Variants in RBL2 observed in about 807,000 individuals in gnomAD.
The protein encoded by RBL2 is retinoblastoma-like protein 2.
Under a neutral mutation model 126.0 loss-of-function variants are expected in RBL2, and 56 were observed. The ratio of observed to expected loss-of-function variants is 0.44; its 90% CI spans 0.36 to 0.56. The LOEUF (loss-of-function observed/expected upper bound fraction) is 0.56. Among genes scored for constraint, RBL2 ranks in the 20% least tolerant of loss-of-function variants. The pLI, the probability that RBL2 is intolerant of heterozygous loss-of-function variation, is 0.00. For missense variants in RBL2, 1,229 were observed against 1,398.2 expected, an observed-to-expected ratio of 0.88 and a Z score of 1.93; for synonymous variants, 454 against 478.5, an observed-to-expected ratio of 0.95 and a Z score of 0.67.
chr16:53,460,662 T>A (rs2058210969), intron 9 of RBL2, among the ~76,000 whole-genome samples: 2 of 152,198 alleles, frequency 1.3e-5, no homozygotes, highest in Admixed American at 1.3e-4. Flanking sequence ...CAGTAAATAC[T>A]AGGTAAAATA....
chr16:53,484,558 A>G (rs750825217), intron 21 of RBL2, among the ~76,000 whole-genome samples: 1 of 152,228 alleles, frequency 6.6e-6, no homozygotes, highest in Non-Finnish European at 1.5e-5. Context: ...CCTTGAAAAC[A>G]TCGTTAAGTG....
In RBL2 at chr16:53,451,848, A is replaced by G. The variant is rs374075321; in HGVS notation, c.766+17A>G. On this transcript the variant is annotated intron_variant, in intron 5 of 21. Coordinates refer to ENST00000262133, the MANE Select transcript of RBL2 (RefSeq NM_005611.4). ...ATTTTAAAGGTAGGTTTGTAAATCA[A>G]AGATTTTTGGGCAATCTGCGTTTCT... 8.7e-5 allele frequency: 140 copies of G among 1,612,578 alleles called. 1 individual carries two copies. In the South Asian group the frequency reaches 1.0e-3, roughly 12 times the overall value.
chr16:53,482,339 GAA>G (rs1189359310), intron 21 of RBL2, among the ~76,000 whole-genome samples: 2 of 152,224 alleles, frequency 1.3e-5, no homozygotes, highest in Non-Finnish European at 2.9e-5. Context: ...CCTTAATGTT[GAA>G]AAGTCAGGGA....
At chr16:53,478,875 G>A (rs1598126857) in intron 17 of RBL2, 1 of 317,572 alleles carries the variant, frequency 3.1e-6, no homozygotes, top group African/African-American at 2.2e-5. Flanking sequence ...ACCCTCCTCA[G>A]CCTCCCAAAG....
chr16:53,480,650 C>T lies in RBL2; in HGVS notation c.2965C>T (p.Arg989Cys), dbSNP rs768556607. ...CAGCAGTGCTCCTCCCACACCTACT[C>T]GCCTCACAGGTGCCAACAGTGACAT... is the stretch of plus-strand genomic sequence containing the variant. ...QPSSAPPTPT[R>C]LTGANSDMEE... Residue 989 changes from arginine to cysteine, a missense_variant, in exon 20 of 22, where the codon CGC (arginine) becomes TGC (cysteine). By Grantham distance (180) the Arg-to-Cys change is radical. Transcript: ENST00000262133. 8.7e-6 allele frequency: 14 copies of T among 1,614,006 alleles called. No individual in the cohort carries two copies. Among genetic ancestry groups the T allele is most frequent in the South Asian group, 2.2e-5 (2 of 91,084 alleles).
chr16:53,450,271 T>C (rs2058102614), intron 4 of RBL2, among the ~76,000 whole-genome samples: 1 of 152,150 alleles, frequency 6.6e-6, no homozygotes, highest in Non-Finnish European at 1.5e-5. Context: ...AAAGAATTGC[T>C]TTGTATACGC....
At position 53,470,422 on chromosome 16, in the gene RBL2, T is replaced by A; in HGVS notation, c.2285T>A (p.Val762Asp). The change falls in exon 16 of 22, where the codon GTC (valine) becomes GAC (aspartate). Residue 762 changes from valine (V) to aspartate (D), a missense_variant. Coordinates refer to ENST00000262133, the MANE Select transcript of RBL2 (RefSeq NM_005611.4). ...AATGGAGGGATAACATTCTTCCCTG[T>A]CCAAGTCAATGTTGGGGGGCAGGCA... is the stretch of plus-strand genomic sequence containing the variant. ...NENGGITFFP[V>D]QVNVGGQAQA... 6.2e-7 allele frequency: 1 copy of A among 1,614,194 alleles called. No individual in the cohort carries two copies. Among genetic ancestry groups the A allele is most frequent in the Non-Finnish European group, 8.5e-7 (1 of 1,180,014 alleles).
intron 18 of RBL2, 130 bp from the exon 19 acceptor site, chr16:53,479,756 A>T (rs780311696): frequency 6.5e-6 from 4 of 617,940 alleles, no homozygotes; most frequent in Non-Finnish European, 1.1e-5. Context: ...TATGTTTCTC[A>T]ACCTGTTCTG....
chr16:53,490,495 T>C lies in RBL2; in HGVS notation c.*195T>C. Reference sequence around the variant, plus strand: ...AACATTTTAATTCATCCCAACTGTCTTTTTTTCCCTACCATTCAGTGATTA... The same window carrying C: ...AACATTTTAATTCATCCCAACTGTCCTTTTTTCCCTACCATTCAGTGATTA... On this transcript the variant is annotated 3_prime_UTR_variant, in exon 22 of 22. Transcript: ENST00000262133. 2.4e-6 allele frequency: 1 copy of C among 414,408 alleles called. No homozygotes were observed. The highest frequency in any genetic ancestry group is 4.2e-6 in the Non-Finnish European group (1 of 240,160). The allele number at this position is 414,408 out of a possible 1,614,324, so 25.7% of individuals were successfully genotyped here. A position where few individuals can be genotyped will look rare whatever the true frequency, so the allele number is the denominator to read the frequency against.
In RBL2 at chr16:53,491,533, T is replaced by TA. The variant is rs1463568563; in HGVS notation, c.*1234dup. On this transcript the variant is annotated 3_prime_UTR_variant, in exon 22 of 22. Transcript: ENST00000262133. ...ATATTGCTGAGAGAAATATGGAACT[T>TA]ACATTGTTCAATTAGAATAGTGTTC... is the stretch of plus-strand genomic sequence containing the variant. 6.6e-6 allele frequency: 1 copy of TA among 152,624 alleles called. No homozygotes were observed. The highest frequency in any genetic ancestry group is 1.5e-5 in the Non-Finnish European group (1 of 68,040). 9.5% of individuals were successfully genotyped at this position (152,624 alleles called of 1,614,324 possible).
In RBL2 at chr16:53,464,264, G is replaced by T; in HGVS notation, c.1599G>T (p.Leu533Phe). ...LEQDAFHRSL[L>F]ACCLEVVTFS... The stretch of plus-strand genomic sequence containing the variant: ...AAGATGCGTTCCACAGATCTCTCTT[G>T]GCCTGCTGCCTTGAGGTCGTCACTT... Residue 533 changes from leucine (L) to phenylalanine (F), a missense_variant, in exon 12 of 22, where the codon TTG (leucine) becomes TTT (phenylalanine). Leu to Phe is a conservative substitution (Grantham distance 22). Coordinates refer to ENST00000262133, the MANE Select transcript of RBL2 (RefSeq NM_005611.4). 5 of 1,604,312 alleles carry T rather than the reference G, an allele frequency of 3.1e-6. No homozygotes were observed. Among genetic ancestry groups the T allele is most frequent in the Non-Finnish European group, 4.3e-6 (5 of 1,172,326 alleles).
In RBL2 at chr16:53,442,685, G is replaced by T. The variant is rs775879950; in HGVS notation, c.399G>T (p.Lys133Asn). The T allele has an allele frequency of 6.2e-7, 1 of 1,613,312 alleles. No individual in the cohort carries two copies. The highest frequency in any genetic ancestry group is 1.7e-5 in the Admixed American group (1 of 59,958). ...TAATCGAATTTTTTAATAAGATGAA[G>T]AAGTGGGAAGACATGGCAAATCTAC... The part of the protein sequence containing the change: ...QSLIEFFNKM[K>N]KWEDMANLPP... The change falls in exon 3 of 22, where the codon AAG becomes AAT. Residue 133 changes from lysine to asparagine, a missense_variant. Coordinates refer to ENST00000262133, the MANE Select transcript of RBL2 (RefSeq NM_005611.4).
chr16:53,442,870 T>G lies in RBL2; in HGVS notation c.572+12T>G. On this transcript the variant is annotated intron_variant, in intron 3 of 21. Transcript: ENST00000262133. Reference sequence around the variant, plus strand: ...GGAAGGAAACAGCGGTAGGTTTTCTTGTTGGTTCATCAGGAATACACGTTA... The same window carrying G: ...GGAAGGAAACAGCGGTAGGTTTTCTGGTTGGTTCATCAGGAATACACGTTA... 6.3e-7 allele frequency: 1 copy of G among 1,597,986 alleles called. No homozygotes were observed. The highest frequency in any genetic ancestry group is 8.6e-7 in the Non-Finnish European group (1 of 1,167,738).
chr16:53,486,684 CTG>C (rs1961188832), intron 21 of RBL2, among the ~76,000 whole-genome samples: 1 of 152,218 alleles, frequency 6.6e-6, no homozygotes, highest in African/African-American at 2.4e-5. Context: ...TGGTGATAGA[CTG>C]AATGCCTTGC....
At chr16:53,479,759 C>T (rs1310099455) in intron 18 of RBL2, 127 bp from the exon 19 acceptor site, 6 of 619,400 alleles carry the variant, frequency 9.7e-6, no homozygotes, top group Non-Finnish European at 1.7e-5. Context: ...GTTTCTCAAC[C>T]TGTTCTGAGG....
In RBL2 at chr16:53,434,791, C is replaced by G; in HGVS notation, c.235C>G (p.Leu79Val). The G allele has an allele frequency of 1.3e-6, 2 of 1,495,032 alleles. No homozygotes were observed. The highest frequency in any genetic ancestry group is 1.8e-6 in the Non-Finnish European group (2 of 1,120,720). 92.6% of individuals were successfully genotyped at this position (1,495,032 alleles called of 1,614,324 possible). A position where few individuals can be genotyped will look rare whatever the true frequency, so the allele number is the denominator to read the frequency against. The stretch of plus-strand genomic sequence containing the variant: ...CCGCAGCATGAGCGAAAGCTACACG[C>G]TGGAGGTGCGCTCGCGGGCGGAGGG... The part of the protein sequence containing the change: ...SYRSMSESYT[L>V]EGNDLHWLAC... The change falls in exon 1 of 22, where the codon CTG (leucine) becomes GTG (valine). Residue 79 changes from leucine (L) to valine (V), a missense_variant. Coordinates refer to ENST00000262133, the MANE Select transcript of RBL2 (RefSeq NM_005611.4).
intron 1 of RBL2, among the ~76,000 whole-genome samples, chr16:53,436,230 C>T (rs138383807): frequency 6.6e-6 from 1 of 152,066 alleles, no homozygotes; most frequent in East Asian, 1.9e-4. Context: ...CTTATTTTAC[C>T]CTCAAGATAA....
chr16:53,447,404 A>G (rs189751315), intron 4 of RBL2, among the ~76,000 whole-genome samples: 1 of 152,212 alleles, frequency 6.6e-6, no homozygotes, highest in East Asian at 1.9e-4. Flanking sequence ...TATTCTGTAT[A>G]TGCTTGTATT....
Position 53,470,794 on chromosome 16 carries a change from G to A in RBL2, c.2575G>A (p.Asp859Asn), listed in dbSNP as rs771266139. 11 of 1,614,230 alleles carry A rather than the reference G, an allele frequency of 6.8e-6. No individual in the cohort carries two copies. In the Admixed American group the frequency reaches 1.8e-4, roughly 27 times the overall value. The change falls in exon 17 of 22, where the codon GAT (aspartate) becomes AAT (asparagine). Residue 859 changes from aspartate to asparagine, a missense_variant. By Grantham distance (23) the Asp-to-Asn change is conservative (BLOSUM62 1). Around this residue, in one of 2 missense-constraint regions of RBL2, gnomAD observed 1,070 missense variants for 1,274.3 expected, o/e 0.84. Coordinates refer to ENST00000262133, the MANE Select transcript of RBL2 (RefSeq NM_005611.4). ...VRLRDLCAKL[D>N]ISDELRKKIW... is the part of the protein sequence containing the mutation. Reference sequence around the variant, plus strand: ...CCTTCGGGATCTCTGTGCCAAACTAGATATTTCAGATGAATTGAGGAAAAA... The same window carrying A: ...CCTTCGGGATCTCTGTGCCAAACTAAATATTTCAGATGAATTGAGGAAAAA...
Sources: gnomAD v4.1 joint callset for allele counts (sites outside exome capture counted in the v4.1 genomes callset) on GRCh38, gnomAD v4.1.1 for gene constraint, gnomAD v4.1.1 regional missense constraint, MANE v1.5 for transcripts, NCBI Gene and HGNC (gene_info 2026-07-23, HGNC 2026-07-21) for gene names.